MOBP: variants seen among roughly 807,000 people sequenced by gnomAD.
MOBP encodes myelin-associated oligodendrocyte basic protein.
A neutral mutation model predicts 15.0 loss-of-function variants in MOBP; 5 were observed. The observed-to-expected ratio is 0.33, with a 90% CI of 0.17 to 0.70. The LOEUF (loss-of-function observed/expected upper bound fraction) is 0.70, where lower values mean the gene tolerates loss of function less well. MOBP is among the 30% of genes least tolerant of loss of function. The pLI is 0.67. For missense variants in MOBP, 188 were observed against 257.8 expected (o/e 0.73, Z 1.85); for synonymous variants, 88 against 99.0 (o/e 0.89, Z 0.66).
intron 1 of MOBP, among the ~76,000 whole-genome samples, chr3:39,479,804 A>G (rs183047212): frequency 7.2e-6 from 1 of 138,808 alleles, no homozygotes; most frequent in East Asian, 2.0e-4. Context: ...TTAACTGGAC[A>G]TATAGCTTTT....
intron 2 of MOBP, among the ~76,000 whole-genome samples, chr3:39,482,308 T>C (rs2042639571): frequency 6.6e-6 from 1 of 152,196 alleles, no homozygotes; most frequent in South Asian, 2.1e-4. Context: ...TGGAATGGGC[T>C]TTGCCCATGA....
At chr3:39,489,691 G>A (rs56091481) in intron 2 of MOBP, among the ~76,000 whole-genome samples, 2,638 of 149,080 alleles carry the variant, frequency 0.018, 76 homozygotes, top group African/African-American at 0.061. Flanking sequence ...ATTGTTCCCC[G>A]CCCAGCTCCT....
chr3:39,468,723 C>CATATATACATATGTGTGTGT (rs1403914374), intron 1 of MOBP, among the ~76,000 whole-genome samples: 1 of 116,760 alleles, frequency 8.6e-6, no homozygotes, highest in Non-Finnish European at 1.7e-5. Context: ...TGTGTATATA[C>CATATATACATATGTGTGTGT]ATATATACAT....
chr3:39,486,918 T>C (rs2042718185), intron 2 of MOBP, among the ~76,000 whole-genome samples: 1 of 150,370 alleles, frequency 6.7e-6, no homozygotes, highest in African/African-American at 2.5e-5. Context: ...TGTCTTTTGA[T>C]GTACAGTAGC....
downstream of MOBP, among the ~76,000 whole-genome samples, chr3:39,519,352 C>G (rs2043238829): frequency 6.6e-6 from 1 of 152,158 alleles, no homozygotes; most frequent in African/African-American, 2.4e-5. Context: ...CATTAAGGAT[C>G]TCTACTACCA....
At chr3:39,479,804 A>C (rs183047212) in intron 1 of MOBP, among the ~76,000 whole-genome samples, 56 of 138,898 alleles carry the variant, frequency 4.0e-4, no homozygotes, top group African/African-American at 1.6e-3. Flanking sequence ...TTAACTGGAC[A>C]TATAGCTTTT....
chr3:39,503,996 C>T (rs664362), downstream of MOBP, among the ~76,000 whole-genome samples: 139,639 of 152,230 alleles, frequency 0.92, 64,697 homozygotes, highest in Middle Eastern at 0.98. Context: ...GTAGACAGTA[C>T]GCAGACTACA....
At chr3:39,467,956 G>A (rs1004500523) in intron 1 of MOBP, among the ~76,000 whole-genome samples, 2 of 152,150 alleles carry the variant, frequency 1.3e-5, no homozygotes, top group African/African-American at 4.8e-5. Context: ...GAATGTTCCT[G>A]CTAATGTTTG....
chr3:39,475,761 C>A (rs113869087), intron 1 of MOBP, among the ~76,000 whole-genome samples: 3,761 of 151,896 alleles, frequency 0.025, 153 homozygotes, highest in African/African-American at 0.08. Flanking sequence ...CCCCTCTGAG[C>A]ATTTTCTGAC....
chr3:39,496,389 C>T (rs1186656682), intron 2 of MOBP, among the ~76,000 whole-genome samples: 1 of 151,530 alleles, frequency 6.6e-6, no homozygotes, highest in East Asian at 1.9e-4. Flanking sequence ...TCAGTAGAGA[C>T]GGGGTTTCAC....
intron 2 of MOBP, among the ~76,000 whole-genome samples, chr3:39,489,211 T>C (rs1368294637): frequency 1.3e-5 from 2 of 152,234 alleles, no homozygotes; most frequent in Non-Finnish European, 1.5e-5. Flanking sequence ...AATCCTTCCT[T>C]AGCCTTCTAA....
chr3:39,494,204 A>G (rs1273506986), intron 2 of MOBP, among the ~76,000 whole-genome samples: 1 of 152,180 alleles, frequency 6.6e-6, no homozygotes, highest in Non-Finnish European at 1.5e-5. Context: ...ATTTCACTTA[A>G]ATTCTTCCCC....
At chr3:39,493,424 T>C (rs561663528) in intron 2 of MOBP, among the ~76,000 whole-genome samples, 1 of 152,316 alleles carries the variant, frequency 6.6e-6, no homozygotes, top group East Asian at 1.9e-4. Context: ...TTTAGAACTT[T>C]CAAGGTTAGT....
intron 1 of MOBP, among the ~76,000 whole-genome samples, chr3:39,469,110 A>ATATACATATATACATATGTGTGTG (rs2042417437): frequency 4.2e-5 from 2 of 48,146 alleles, no homozygotes; most frequent in South Asian, 5.1e-4. Flanking sequence ...ATGTGTGTGT[A>ATATACATATATACATATGTGTGTG]TATATACATA....
downstream of MOBP, among the ~76,000 whole-genome samples, chr3:39,503,351 C>CTA (rs2043004447): frequency 6.6e-6 from 1 of 152,142 alleles, no homozygotes; most frequent in African/African-American, 2.4e-5. Flanking sequence ...TCAACAAATC[C>CTA]TATTGCATAC....
chr3:39,500,027 T>C (rs1559423326), intron 2 of MOBP: 1 of 456,126 alleles, frequency 2.2e-6, no homozygotes, highest in Non-Finnish European at 4.4e-6. Flanking sequence ...TGGCCTTGTA[T>C]GACACTCACT....
chr3:39,492,267 G>A (rs1310321929), intron 2 of MOBP, among the ~76,000 whole-genome samples: 2 of 152,036 alleles, frequency 1.3e-5, no homozygotes, highest in Middle Eastern at 3.2e-3. Context: ...ACCAGATGAG[G>A]TACCCCATGG....
At chr3:39,469,180 G>GTGTGTGTATATACATATATACA (rs2042423966) in intron 1 of MOBP, among the ~76,000 whole-genome samples, 1 of 41,094 alleles carries the variant, frequency 2.4e-5, no homozygotes, top group South Asian at 7.1e-4. Flanking sequence ...ATATATACAT[G>GTGTGTGTATATACATATATACA]TGTGTGTGTG....
downstream of MOBP, chr3:39,528,329 C>CA (rs2125679413): frequency 6.6e-6 from 1 of 152,086 alleles, no homozygotes; most frequent in Non-Finnish European, 1.5e-5. Context: ...GCTTCTAAAG[C>CA]AATTTTCTGA....
Sources: gnomAD v4.1 joint callset for allele counts (sites outside exome capture counted in the v4.1 genomes callset) on GRCh38, gnomAD v4.1.1 for gene constraint, MANE v1.5 for transcripts, NCBI Gene and HGNC (gene_info 2026-07-23, HGNC 2026-07-21) for gene names.